Variants in FAM156A observed in about 807,000 individuals in gnomAD.
The protein encoded by FAM156A is family with sequence similarity 156 member A.
At chrX:52,973,299 C>A (rs1302243428) in intron 1 of FAM156A, among the ~76,000 whole-genome samples, 1 of 109,770 alleles carries the variant, frequency 9.1e-6, no homozygotes, top group Non-Finnish European at 1.9e-5. Flanking sequence ...AGCAACAACA[C>A]AACTGAAGTC....
chrX:52,975,956 G>T lies in FAM156A; in HGVS notation c.-433-11721C>A, dbSNP rs782675295. Among the ~76,000 whole-genome samples the T allele has an allele frequency of 1.8e-4, 20 of 111,134 alleles. 1 individual carries two copies. In the South Asian group the frequency reaches 6.8e-3, roughly 38 times the overall value. Reference sequence around the variant, plus strand: ...TGTGGCATTTTTCAGGATGCCTGGGGGTCTTCAGCTAACTTTCCATCCACA... The same window carrying T: ...TGTGGCATTTTTCAGGATGCCTGGGTGTCTTCAGCTAACTTTCCATCCACA... On this transcript the variant is annotated intron_variant, in intron 1 of 4. Transcript: ENST00000610625.
At chrX:52,979,851 T>C (rs1333645404) in intron 1 of FAM156A, among the ~76,000 whole-genome samples, 4 of 112,615 alleles carry the variant, frequency 3.6e-5, no homozygotes, top group African/African-American at 1.3e-4. Flanking sequence ...ACTGTGCTGT[T>C]TCCTCTGTAC....
At chrX:52,988,458 G>A (rs1038134425) in intron 1 of FAM156A, among the ~76,000 whole-genome samples, 1 of 110,208 alleles carries the variant, frequency 9.1e-6, no homozygotes, top group Non-Finnish European at 1.9e-5. Flanking sequence ...GCAGCACAAG[G>A]AACCCAGGAA....
At chrX:52,982,146 T>A (rs1176520459) in intron 1 of FAM156A, among the ~76,000 whole-genome samples, 2 of 111,798 alleles carry the variant, frequency 1.8e-5, no homozygotes, top group Non-Finnish European at 3.8e-5. Context: ...ATAAATAAAA[T>A]TTTTAAAAAC....
In FAM156A at chrX:52,986,358, C is replaced by G. The variant is rs940074359; in HGVS notation, c.-434+8948G>C. On this transcript the variant is annotated intron_variant, in intron 1 of 4. Transcript: ENST00000610625. ...CACTGACACCAAAATCAGACAAAGA[C>G]AGCATTAAGAAAAAACCAACTATAG... Among the ~76,000 whole-genome samples the G allele has an allele frequency of 1.0e-4, 11 of 109,923 alleles. No homozygotes were observed. In the Admixed American group the frequency reaches 1.1e-3, roughly 11 times the overall value.
chrX:52,976,433 G>A (rs781823823), intron 1 of FAM156A, among the ~76,000 whole-genome samples: 13 of 110,304 alleles, frequency 1.2e-4, no homozygotes, highest in Non-Finnish European at 2.1e-4. Context: ...GACAGATCAG[G>A]ACTCCATCTC....
At chrX:52,975,429 T>C (rs1556791925) in intron 1 of FAM156A, among the ~76,000 whole-genome samples, 1 of 111,756 alleles carries the variant, frequency 8.9e-6, no homozygotes, top group Non-Finnish European at 1.9e-5. Context: ...GCCATTGTCT[T>C]AGCAGAAAAA....
intron 1 of FAM156A, among the ~76,000 whole-genome samples, chrX:52,992,340 G>A (rs1415278470): frequency 4.5e-5 from 5 of 111,903 alleles, no homozygotes; most frequent in African/African-American, 1.6e-4. Context: ...CCTGAGAGGT[G>A]GTGTTCCTGC....
intron 1 of FAM156A, among the ~76,000 whole-genome samples, chrX:52,988,554 A>G (rs1930475276): frequency 8.9e-6 from 1 of 112,162 alleles, no homozygotes; most frequent in African/African-American, 3.2e-5. Context: ...TCACAGAACT[A>G]TACCTCAAGT....
At position 52,994,762 on chromosome X, in the gene FAM156A, G is replaced by A. The variant is rs182132024; in HGVS notation, c.-434+544C>T. Among the ~76,000 whole-genome samples, 376 of 111,163 alleles carry A rather than the reference G, an allele frequency of 3.4e-3. 2 individuals carry two copies. Among genetic ancestry groups the A allele is most frequent in the Admixed American group, 6.0e-3 (63 of 10,470 alleles). On this transcript the variant is annotated intron_variant, in intron 1 of 4. Transcript: ENST00000610625. ...GACCGAGGTGGGAGGATCACTTGAG[G>A]CCAGGAGTTCAAAAACAGCCTGATC...
intron 1 of FAM156A, among the ~76,000 whole-genome samples, chrX:52,975,700 T>C (rs112003770): frequency 8.9e-6 from 1 of 111,737 alleles, no homozygotes; most frequent in East Asian, 2.8e-4. Flanking sequence ...CCAAGACAGG[T>C]GCCCCAGGCC....
chrX:52,990,089 G>A lies in FAM156A; in HGVS notation c.-434+5217C>T, dbSNP rs144810606. Among the ~76,000 whole-genome samples, 484 of 110,983 alleles carry A rather than the reference G, an allele frequency of 4.4e-3. 2 individuals carry two copies. The highest frequency in any genetic ancestry group is 0.015 in the African/African-American group (468 of 30,479). ...GGCTGCCCCTACCTGTCCACATGCA[G>A]AGAGGGAGGCTCCAAGAGACACCCA... On this transcript the variant is annotated intron_variant, in intron 1 of 4. Coordinates refer to the FAM156A transcript ENST00000610625.
chrX:52,974,490 T>C (rs1929294745), intron 1 of FAM156A, among the ~76,000 whole-genome samples: 1 of 111,868 alleles, frequency 8.9e-6, no homozygotes, highest in Non-Finnish European at 1.9e-5. Flanking sequence ...AAGTTTTTTT[T>C]TGAGACAGGG....
At chrX:52,983,284 C>T (rs187543660) in intron 1 of FAM156A, among the ~76,000 whole-genome samples, 137 of 112,164 alleles carry the variant, frequency 1.2e-3, no homozygotes, top group Middle Eastern at 4.6e-3. Flanking sequence ...CCCCTCCAGC[C>T]TTCCCTGAAG....
intron 1 of FAM156A, among the ~76,000 whole-genome samples, chrX:52,976,417 C>G (rs781921566): frequency 4.5e-5 from 5 of 110,787 alleles, no homozygotes; most frequent in African/African-American, 6.6e-5. Flanking sequence ...GCACTCCAGC[C>G]CGGGCGACAG....
chrX:52,984,521 G>A (rs2146615093), intron 1 of FAM156A, among the ~76,000 whole-genome samples: 1 of 112,403 alleles, frequency 8.9e-6, no homozygotes, highest in South Asian at 3.7e-4. Context: ...GGAAGTCTCA[G>A]GCTTCCTATA....
intron 1 of FAM156A, among the ~76,000 whole-genome samples, chrX:52,983,221 G>A (rs1330429384): frequency 1.8e-5 from 2 of 111,968 alleles, no homozygotes; most frequent in African/African-American, 6.5e-5. Context: ...CCACTGCACT[G>A]CAGCCTAGGC....
intron 1 of FAM156A, among the ~76,000 whole-genome samples, chrX:52,988,634 C>T (rs1451467451): frequency 8.9e-6 from 1 of 112,473 alleles, no homozygotes; most frequent in Non-Finnish European, 1.9e-5. Flanking sequence ...TCCTTGCTTT[C>T]TGTAAAACTG....
intron 1 of FAM156A, among the ~76,000 whole-genome samples, chrX:52,976,754 G>C (rs375476672): frequency 1.1e-4 from 12 of 111,386 alleles, no homozygotes; most frequent in African/African-American, 3.9e-4. Context: ...CATACAGAAA[G>C]CTTGATATGG....
Sources: allele counts gnomAD v4.1 joint callset (sites outside exome capture counted in the v4.1 genomes callset), GRCh38; gene constraint gnomAD v4.1.1; transcripts MANE v1.5; gene names NCBI Gene and HGNC (gene_info 2026-07-23, HGNC 2026-07-21).